Variants in TNRC6B observed in about 807,000 individuals in gnomAD.
TNRC6B encodes the protein trinucleotide repeat containing adaptor 6B, also known as trinucleotide repeat-containing gene 6B protein.
A neutral mutation model predicts 203.6 loss-of-function variants in TNRC6B; 52 were observed. The ratio of observed to expected loss-of-function variants is 0.26; its 90% CI spans 0.20 to 0.32. TNRC6B has a LOEUF of 0.32. Among genes scored for constraint, TNRC6B ranks in the 10% least tolerant of loss-of-function variants. The pLI is 1.00. For missense variants in TNRC6B, 1,923 were observed against 2,286.2 expected (o/e 0.84, Z 3.24); for synonymous variants, 838 against 845.7 (o/e 0.99, Z 0.16).
At chr22:40,229,444 G>T (rs1032893462) in intron 1 of TNRC6B, among the ~76,000 whole-genome samples, 2 of 151,174 alleles carry the variant, frequency 1.3e-5, no homozygotes, top group Non-Finnish European at 2.9e-5. Flanking sequence ...TGTAGGAAAG[G>T]CTTTTTTTTT....
intron 2 of TNRC6B, 110 bp downstream of exon 2, chr22:40,246,212 T>G: frequency 1.2e-6 from 1 of 847,996 alleles, no homozygotes; most frequent in Non-Finnish European, 1.7e-6. Flanking sequence ...TTTCCTGAGA[T>G]GGAGTCTTGC....
chr22:40,310,056 C>T (rs1170079263), intron 16 of TNRC6B, among the ~76,000 whole-genome samples: 3 of 152,298 alleles, frequency 2.0e-5, no homozygotes, highest in Non-Finnish European at 2.9e-5. Context: ...ATTCAAAGTG[C>T]ATGTTCTGTT....
chr22:40,257,753 T>C (rs1192294311), intron 3 of TNRC6B, among the ~76,000 whole-genome samples: 2 of 150,420 alleles, frequency 1.3e-5, no homozygotes, highest in African/African-American at 4.9e-5. Context: ...CCAGGTGCGG[T>C]GGCTCACGCC....
chr22:40,132,969 A>ATATATATATATAT lies in TNRC6B; in HGVS notation c.45+7107_45+7108insTATATATATATAT, dbSNP rs1555884686. ...AAAAAAAAAAAAAAAAAAAAAAAAA[A>ATATATATATATAT]ATATATATATATATATATATATTCT... On this transcript the variant is annotated intron_variant, in intron 3 of 23. Coordinates refer to the TNRC6B transcript ENST00000301923. Among the ~76,000 whole-genome samples, 13 of 78,188 alleles carry ATATATATATATAT rather than the reference A, an allele frequency of 1.7e-4. 1 individual carries two copies. The South Asian group carries it at 3.1e-3, about 19-fold the overall frequency. 51.3% of individuals were successfully genotyped at this position (78,188 alleles called of 152,430 possible).
rs2068973382 is a variant in TNRC6B, at chr22:40,170,606, A to C, written c.113+14424A>C. On this transcript the variant is annotated intron_variant, in intron 4 of 23. Transcript: ENST00000301923. ...TATATATATATTATATATAGTTTAT[A>C]TATATCCTATACATACATATATGAA... is the stretch of plus-strand genomic sequence containing the variant. Among the ~76,000 whole-genome samples the C allele has an allele frequency of 2.5e-4, 4 of 16,076 alleles. 2 individuals are homozygous for C. Among genetic ancestry groups the C allele is most frequent in the Non-Finnish European group, 3.7e-4 (4 of 10,770 alleles). The allele number at this position is 16,076 out of a possible 152,430, so 10.5% of individuals were successfully genotyped here.
chr22:40,302,907 C>T (rs1244445711), intron 15 of TNRC6B, among the ~76,000 whole-genome samples: 1 of 152,148 alleles, frequency 6.6e-6, no homozygotes, highest in African/African-American at 2.4e-5. Flanking sequence ...ACTTTTCTTG[C>T]ACTTGATATA....
Position 40,266,924 on chromosome 22 carries a change from C to A in TNRC6B, c.2694C>A (p.Asp898Glu). ...ATGATGGCACTTCAGCATGGGGAGA[C>A]CCTAACAGTTATAACTACAAGAATG... ...DIDDGTSAWG[D>E]PNSYNYKNVN... The change falls in exon 5 of 23, where the codon GAC becomes GAA. Residue 898 changes from aspartate (D) to glutamate (E), a missense_variant. Transcript: ENST00000454349. The A allele has an allele frequency of 6.2e-7, 1 of 1,613,924 alleles. No homozygotes were observed. The highest frequency in any genetic ancestry group is 8.5e-7 in the Non-Finnish European group (1 of 1,179,872).
intron 1 of TNRC6B, among the ~76,000 whole-genome samples, chr22:40,081,082 A>C (rs1345763545): frequency 6.6e-6 from 1 of 151,756 alleles, no homozygotes; most frequent in Non-Finnish European, 1.5e-5. Context: ...GCTGGTCTTA[A>C]ACTCCTGACC....
chr22:40,065,222 CTG>C (rs2046648785), intron 1 of TNRC6B, among the ~76,000 whole-genome samples: 1 of 152,132 alleles, frequency 6.6e-6, no homozygotes, highest in Non-Finnish European at 1.5e-5. Flanking sequence ...TCTTAGCCCA[CTG>C]TAACCTTGAA....
chr22:40,064,636 G>A (rs1018081463), intron 1 of TNRC6B, among the ~76,000 whole-genome samples: 1 of 98,786 alleles, frequency 1.0e-5, no homozygotes, highest in African/African-American at 3.9e-5. Context: ...TTTTCTTTTT[G>A]AGACAGGGTC....
chr22:40,305,020 A>G (rs573674563), intron 15 of TNRC6B, among the ~76,000 whole-genome samples: 2 of 152,340 alleles, frequency 1.3e-5, no homozygotes, highest in South Asian at 4.1e-4. Flanking sequence ...CAGAACTGTA[A>G]ACAGAGAGAG....
At chr22:40,319,223 T>C (rs1226541874) in intron 21 of TNRC6B, among the ~76,000 whole-genome samples, 2 of 150,240 alleles carry the variant, frequency 1.3e-5, no homozygotes, top group East Asian at 2.0e-4. Context: ...AGTCACCTGC[T>C]CTCCAGCCTG....
chr22:40,067,311 G>A (rs947012801), intron 1 of TNRC6B, among the ~76,000 whole-genome samples: 11 of 152,110 alleles, frequency 7.2e-5, no homozygotes, highest in Admixed American at 7.2e-4. Context: ...CCAGTAGCAT[G>A]AGCGCATATC....
At chr22:40,224,506 A>AT (rs906746909) in intron 1 of TNRC6B, among the ~76,000 whole-genome samples, 16 of 151,910 alleles carry the variant, frequency 1.1e-4, no homozygotes, top group Non-Finnish European at 7.4e-5. Flanking sequence ...ATAAATGCTG[A>AT]TTTTTTTCCC....
In TNRC6B at chr22:40,216,486, G is replaced by A. The variant is rs143660864; in HGVS notation, c.6-29529G>A. Reference sequence around the variant, plus strand: ...ATATTTGTTGAACTAAAAGTAGGAAGAGACCATTTGGTGAATCAGTTTTTA... The same window carrying A: ...ATATTTGTTGAACTAAAAGTAGGAAAAGACCATTTGGTGAATCAGTTTTTA... On this transcript the variant is annotated intron_variant, in intron 1 of 22. Coordinates refer to ENST00000454349, the MANE Select transcript of TNRC6B (RefSeq NM_001162501.2). Among the ~76,000 whole-genome samples, 7 of 152,246 alleles carry A rather than the reference G, an allele frequency of 4.6e-5. No homozygotes were observed. The East Asian group carries it at 1.3e-3, about 29-fold the overall frequency.
intron 1 of TNRC6B, among the ~76,000 whole-genome samples, chr22:40,063,310 A>G (rs991973395): frequency 6.6e-6 from 1 of 152,060 alleles, no homozygotes; most frequent in Non-Finnish European, 1.5e-5. Flanking sequence ...ACCACAATAC[A>G]CTGATTATTG....
At chr22:40,146,488 T>C (rs1259303426) in intron 3 of TNRC6B, among the ~76,000 whole-genome samples, 1 of 151,942 alleles carries the variant, frequency 6.6e-6, no homozygotes, top group Non-Finnish European at 1.5e-5. Flanking sequence ...CTCTGCCTCC[T>C]GAATTCAAGC....
chr22:40,322,546 T>C (rs2071347760), intron 22 of TNRC6B, among the ~76,000 whole-genome samples: 2 of 152,240 alleles, frequency 1.3e-5, no homozygotes, highest in African/African-American at 4.8e-5. Context: ...CTAGAATATA[T>C]AAATTCCATA....
rs34769532 is a variant in TNRC6B, at chr22:40,225,742, C to CAA, written c.6-20249_6-20248dup. On this transcript the variant is annotated intron_variant, in intron 1 of 22. Transcript: ENST00000454349. ...TGAGCGACAGAGTGAGACTCCGTCTCAAAAAAAAAAAAAAAAAAAAAAAAA... is the reference window on the plus strand; with the variant it reads ...TGAGCGACAGAGTGAGACTCCGTCTCAAAAAAAAAAAAAAAAAAAAAAAAAAA... Among the ~76,000 whole-genome samples, 409 of 64,076 alleles carry CAA rather than the reference C, an allele frequency of 6.4e-3. 9 individuals are homozygous for CAA. Among genetic ancestry groups the CAA allele is most frequent in the South Asian group, 0.01 (15 of 1,432 alleles). The allele number at this position is 64,076 out of a possible 152,430, so 42.0% of individuals were successfully genotyped here. A position where few individuals can be genotyped will look rare whatever the true frequency, so the allele number is the denominator to read the frequency against.
Sources: allele counts gnomAD v4.1 joint callset (sites outside exome capture counted in the v4.1 genomes callset), GRCh38; gene constraint gnomAD v4.1.1; transcripts MANE v1.5; gene names NCBI Gene and HGNC (gene_info 2026-07-23, HGNC 2026-07-21).